CCDC142: variants seen among roughly 807,000 people sequenced by gnomAD.
CCDC142 encodes coiled-coil domain containing 142.
A neutral mutation model predicts 83.8 loss-of-function variants in CCDC142; 67 were observed. The ratio of observed to expected loss-of-function variants is 0.80; its 90% CI spans 0.66 to 0.98. CCDC142 has a LOEUF of 0.98. CCDC142 is among the 50% of genes least tolerant of loss of function. The probability of loss-of-function intolerance (pLI) is 0.00; values close to 1 mark genes in which losing one functional copy is unlikely to be tolerated. For missense variants in CCDC142, 905 were observed against 946.8 expected, an observed-to-expected ratio of 0.96 and a Z score of 0.58; for synonymous variants, 421 against 421.2, an observed-to-expected ratio of 1.00 and a Z score of 0.01.
In CCDC142 at chr2:74,474,504, G is replaced by A; in HGVS notation, c.*42C>T. 1 of 1,541,220 alleles carries A rather than the reference G, an allele frequency of 6.5e-7. No individual in the cohort carries two copies. Among genetic ancestry groups the A allele is most frequent in the Non-Finnish European group, 8.7e-7 (1 of 1,149,788 alleles). ...CAAATGTCTGGATTTTCCAGCTAGA[G>A]ATGGGGAGCTCTTAACTTTCTGGCT... On this transcript the variant is annotated 3_prime_UTR_variant, in exon 9 of 9. Transcript: ENST00000393965.
rs372165408 is a variant in CCDC142, at chr2:74,476,126, T to C, written c.1504-400A>G. ...ACAGAGCATATGCCAGAAAGAGGGATTGTATGATCTGCAATGGGCAGAAAT... is the reference window on the plus strand; with the variant it reads ...ACAGAGCATATGCCAGAAAGAGGGACTGTATGATCTGCAATGGGCAGAAAT... On this transcript the variant is annotated intron_variant, in intron 5 of 8. Coordinates refer to ENST00000393965, the MANE Select transcript of CCDC142 (RefSeq NM_001365575.2). 1.9e-4 allele frequency among the ~76,000 whole-genome samples: 24 copies of C among 127,092 alleles called. 1 individual carries two copies. In the East Asian group the frequency reaches 4.1e-3, roughly 22 times the overall value. 83.4% of individuals were successfully genotyped at this position (127,092 alleles called of 152,430 possible).
intron 1 of CCDC142, 36 bp downstream of exon 1, chr2:74,481,781 A>G: frequency 1.3e-6 from 2 of 1,580,756 alleles, no homozygotes; most frequent in Non-Finnish European, 1.7e-6. Context: ...AAGAGACCCC[A>G]GCCTTCCCAA....
rs1243867710 is a variant in CCDC142, at chr2:74,474,612, C to G, written c.2187G>C (p.Arg729Ser). 1 of 1,614,204 alleles carries G rather than the reference C, an allele frequency of 6.2e-7. No homozygotes were observed. Among genetic ancestry groups the G allele is most frequent in the Non-Finnish European group, 8.5e-7 (1 of 1,180,038 alleles). The part of the protein sequence containing the change: ...VGNQQAWLAL[R>S]QHQRPRWHLP... ...GGTGCCAACGGGGTCGCTGGTGTTG[C>G]CTGAGGGCAAGCCAGGCCTGCTGAT... is the stretch of plus-strand genomic sequence containing the variant. Residue 729 changes from arginine (R) to serine (S), a missense_variant, in exon 9 of 9, where the codon AGG becomes AGC. Physicochemically the swap from Arg to Ser is moderately radical, Grantham distance 110. This residue lies in a region of CCDC142 where 265 missense variants were observed against 288.9 expected (regional missense o/e 0.92). Transcript: ENST00000393965.
rs1039032836 is a variant in CCDC142 at position 74,475,866 on chromosome 2, A to G, written c.1504-140T>C. On this transcript the variant is annotated intron_variant, in intron 5 of 8. Coordinates refer to ENST00000393965, the MANE Select transcript of CCDC142 (RefSeq NM_001365575.2). ...GTGTATGCCTGGCCATTTTTTGAGG[A>G]GCAATGCCATAGTTGTCATTGGGTT... is the stretch of plus-strand genomic sequence containing the variant. 4.2e-5 allele frequency: 26 copies of G among 614,632 alleles called. 1 individual carries two copies. The South Asian group carries it at 4.8e-4, about 11-fold the overall frequency. 38.1% of individuals were successfully genotyped at this position (614,632 alleles called of 1,614,324 possible). A position where few individuals can be genotyped will look rare whatever the true frequency, so the allele number is the denominator to read the frequency against.
intron 5 of CCDC142, among the ~76,000 whole-genome samples, chr2:74,480,495 G>A (rs1672416364): frequency 6.6e-6 from 1 of 151,836 alleles, no homozygotes. Flanking sequence ...GGAGGCTGAG[G>A]TGGGAGGACC....
In CCDC142 at chr2:74,475,350, C is replaced by T. The variant is rs763356290; in HGVS notation, c.1671G>A (p.Leu557=). 2.5e-6 allele frequency: 4 copies of T among 1,610,912 alleles called. No homozygotes were observed. The East Asian group carries it at 8.9e-5, about 36-fold the overall frequency. Reference sequence around the variant, plus strand: ...CTTGCAATCCTTGCAACACAGGCTCCAGTACGGTGCGGACCACTAAACCAG... The same window carrying T: ...CTTGCAATCCTTGCAACACAGGCTCTAGTACGGTGCGGACCACTAAACCAG... ...EYAGLVVRTV[L]EPVLQGLQGL... The change falls in exon 7 of 9, where the codon CTG becomes CTA. Residue 557 remains leucine, a synonymous_variant. Transcript: ENST00000393965.
At chr2:74,475,448 C>A in intron 6 of CCDC142, 46 bp from the exon 7 acceptor site, 3 of 1,524,500 alleles carry the variant, frequency 2.0e-6, no homozygotes, top group Non-Finnish European at 2.7e-6. Context: ...ATCCATTGAA[C>A]CCCTAAATGG....
At position 74,482,497 on chromosome 2, in the gene CCDC142, T is replaced by A. The variant is rs753993484; in HGVS notation, c.341A>T (p.His114Leu). 5.8e-6 allele frequency: 9 copies of A among 1,559,518 alleles called. No homozygotes were observed. In the African/African-American group the frequency reaches 1.2e-4, roughly 21 times the overall value. ...QLLQARDCAY[H>L]LQSAVRLMKT... is the part of the protein sequence containing the mutation. ...CATGAGTCGCACAGCCGACTGTAGG[T>A]GGTAGGCGCAGTCTCGGGCCTGGAG... The change falls in exon 1 of 9, where the codon CAC becomes CTC. Residue 114 changes from histidine (H) to leucine (L), a missense_variant. Physicochemically the swap from His to Leu is moderately conservative, Grantham distance 99. This residue lies in a region of CCDC142 where 591 missense variants were observed against 571.4 expected (regional missense o/e 1.03). Transcript: ENST00000393965. The surrounding 1 kb of genome is among the most constrained non-coding windows in gnomAD (Gnocchi z 5.0).
At position 74,474,250 on chromosome 2, in the gene CCDC142, AT is replaced by A. The variant is rs1172559424; in HGVS notation, c.*295del. On this transcript the variant is annotated 3_prime_UTR_variant, in exon 9 of 9. Coordinates refer to ENST00000393965, the MANE Select transcript of CCDC142 (RefSeq NM_001365575.2). Reference sequence around the variant, plus strand: ...AGGCACCCGCCACCACGCCCGGCTAATTTTTTGTATTTTTAGTGGAAACAGG... The same window carrying A: ...AGGCACCCGCCACCACGCCCGGCTAATTTTTGTATTTTTAGTGGAAACAGG... 2 of 215,562 alleles carry A rather than the reference AT, an allele frequency of 9.3e-6. No individual in the cohort carries two copies. Among genetic ancestry groups the A allele is most frequent in the East Asian group, 1.3e-4 (1 of 7,908 alleles). 13.4% of individuals were successfully genotyped at this position (215,562 alleles called of 1,614,324 possible).
At chr2:74,479,954 A>G (rs1672406335) in intron 5 of CCDC142, among the ~76,000 whole-genome samples, 1 of 152,262 alleles carries the variant, frequency 6.6e-6, no homozygotes. Flanking sequence ...GAAAGATGCA[A>G]TCATTTATCC....
At chr2:74,474,848 G>A in intron 8 of CCDC142, 46 bp from the exon 9 acceptor site, 2 of 1,584,202 alleles carry the variant, frequency 1.3e-6, no homozygotes, top group Non-Finnish European at 1.7e-6. Flanking sequence ...GGGATATACT[G>A]AAGCCAGATT....
chr2:74,475,030 G>T lies in CCDC142; in HGVS notation c.1882C>A (p.Leu628Ile). The change falls in exon 8 of 9, where the codon CTC becomes ATC. Residue 628 changes from leucine (L) to isoleucine (I), a missense_variant. Transcript: ENST00000393965. ...EEEQWSLSPD[L>I]RQTLLMLSIF... ...CTGAGCATGAGCAGGGTCTGGCGGA[G>T]ATCAGGGGACAGGCTCCACTGCTCC... is the stretch of plus-strand genomic sequence containing the variant. The T allele has an allele frequency of 6.2e-7, 1 of 1,614,118 alleles. No individual in the cohort carries two copies. The highest frequency in any genetic ancestry group is 8.5e-7 in the Non-Finnish European group (1 of 1,179,996).
In CCDC142 at chr2:74,475,134, T is replaced by G. The variant is rs750976081; in HGVS notation, c.1797-19A>C. On this transcript the variant is annotated intron_variant, in intron 7 of 8. Coordinates refer to ENST00000393965, the MANE Select transcript of CCDC142 (RefSeq NM_001365575.2). ...CTGCAGGCTGAAGGCAGAGGTACAG[T>G]ATGGCCACTTGACCCTCCTGCCTCT... The G allele has an allele frequency of 6.2e-7, 1 of 1,610,594 alleles. No individual in the cohort carries two copies. Among genetic ancestry groups the G allele is most frequent in the Non-Finnish European group, 8.5e-7 (1 of 1,178,006 alleles).
At chr2:74,481,743 C>T in intron 1 of CCDC142, 74 bp downstream of exon 1, 1 of 1,522,512 alleles carries the variant, frequency 6.6e-7, no homozygotes, top group African/African-American at 1.4e-5. Context: ...TTCAGGATGG[C>T]AGGTCAGTGA....
At chr2:74,480,424 A>C (rs1050849667) in intron 5 of CCDC142, among the ~76,000 whole-genome samples, 5 of 152,006 alleles carry the variant, frequency 3.3e-5, no homozygotes, top group Non-Finnish European at 5.9e-5. Context: ...CCCTGTCTCT[A>C]CTAAAAAAAT....
intron 5 of CCDC142, among the ~76,000 whole-genome samples, chr2:74,479,259 T>G (rs1035321503): frequency 2.7e-5 from 4 of 150,590 alleles, no homozygotes; most frequent in African/African-American, 9.7e-5. Flanking sequence ...CAAGACACTG[T>G]GGGTAAGCAG....
At position 74,482,073 on chromosome 2, in the gene CCDC142, G is replaced by C; in HGVS notation, c.765C>G (p.Leu255=). 3.7e-6 allele frequency: 6 copies of C among 1,613,536 alleles called. No individual in the cohort carries two copies. Among genetic ancestry groups the C allele is most frequent in the Non-Finnish European group, 5.1e-6 (6 of 1,179,948 alleles). The change falls in exon 1 of 9, where the codon CTC becomes CTG. Residue 255 remains leucine, a synonymous_variant. Transcript: ENST00000393965. This position sits in a 1 kb window ranked among gnomAD's most constrained non-coding sequence, Gnocchi z 5.0. ...GCTGGTCCCTCAACGCCGATCCTTG[G>C]AGCGCCTCGTCCAGCCGACTTGCCA... is the stretch of plus-strand genomic sequence containing the variant. ...CQVASRLDEA[L]QGSALRDQLR...
rs1558575685 is a variant in CCDC142 at position 74,482,132 on chromosome 2, G to A, written c.706C>T (p.Leu236Phe). 6.2e-7 allele frequency: 1 copy of A among 1,613,734 alleles called. No homozygotes were observed. Among genetic ancestry groups the A allele is most frequent in the Non-Finnish European group, 8.5e-7 (1 of 1,179,966 alleles). ...CCCCGCTCCCCCGTCAAGAGGCGGAGCACACGGGACGTGGGGAAAGGACGT... is the reference window on the plus strand; with the variant it reads ...CCCCGCTCCCCCGTCAAGAGGCGGAACACACGGGACGTGGGGAAAGGACGT... ...AARPFPTSRVLRLLTGERGCQ... is the reference protein window; with the variant it reads ...AARPFPTSRVFRLLTGERGCQ... The change falls in exon 1 of 9, where the codon CTC (leucine) becomes TTC (phenylalanine). Residue 236 changes from leucine to phenylalanine, a missense_variant. Around this residue, in one of 3 missense-constraint regions of CCDC142, gnomAD observed 591 missense variants for 571.4 expected, o/e 1.03. Transcript: ENST00000393965. This position sits in a 1 kb window ranked among gnomAD's most constrained non-coding sequence, Gnocchi z 5.0.
chr2:74,474,682 G>A lies in CCDC142; in HGVS notation c.2117C>T (p.Thr706Ile), dbSNP rs765272614. 1 of 1,614,232 alleles carries A rather than the reference G, an allele frequency of 6.2e-7. No homozygotes were observed. ...CGGGCTAGGTCCCCTTCCTCCTAGT[G>A]TGCTTTGCAGCTGACCTGTCTGGGC... ...SPAQTGQLQS[T>I]LGGRGPSPEG... Residue 706 changes from threonine to isoleucine, a missense_variant, in exon 9 of 9, where the codon ACA becomes ATA. Physicochemically the swap from Thr to Ile is moderately conservative, Grantham distance 89. Transcript: ENST00000393965.
Sources: gnomAD v4.1 joint callset for allele counts (sites outside exome capture counted in the v4.1 genomes callset) on GRCh38, gnomAD v4.1.1 for gene constraint, gnomAD v4.1.1 regional missense constraint, Gnocchi (gnomAD v3.1) non-coding constraint, MANE v1.5 for transcripts, NCBI Gene and HGNC (gene_info 2026-07-23, HGNC 2026-07-21) for gene names.